Variants in HMGA2 observed in about 807,000 individuals in gnomAD.
HMGA2 encodes the protein high mobility group AT-hook 2.
HMGA2 carries 8 observed loss-of-function variants against 19.1 expected under a neutral mutation model. The ratio of observed to expected loss-of-function variants is 0.42; its 90% CI spans 0.25 to 0.76. The LOEUF (loss-of-function observed/expected upper bound fraction) is 0.76, where lower values mean the gene tolerates loss of function less well. Among genes scored for constraint, HMGA2 ranks in the 30% least tolerant of loss-of-function variants. The pLI is 0.28. For missense variants in HMGA2, 109 were observed against 136.3 expected (o/e 0.80, Z 1.00); for synonymous variants, 60 against 48.8 (o/e 1.23, Z -0.96).
At chr12:65,907,020 G>T (rs1874621233) in intron 3 of HMGA2, among the ~76,000 whole-genome samples, 1 of 152,080 alleles carries the variant, frequency 6.6e-6, no homozygotes, top group Non-Finnish European at 1.5e-5. Flanking sequence ...CCTGTGCAAG[G>T]CTAGCATTTG....
rs191412735 is a variant in HMGA2, at chr12:65,965,065, T to G, written c.*1773T>G. On this transcript the variant is annotated 3_prime_UTR_variant, in exon 5 of 5. Coordinates refer to ENST00000403681, the MANE Select transcript of HMGA2 (RefSeq NM_003483.6). ...GCAGCTAACCCTAGTCAAAACTATT[T>G]TTGTAAAAGACATTTGATAGAAAGG... 1.3e-4 allele frequency: 25 copies of G among 190,302 alleles called. No homozygotes were observed. The highest frequency in any genetic ancestry group is 2.2e-5 in the Non-Finnish European group (2 of 90,436). 11.8% of individuals were successfully genotyped at this position (190,302 alleles called of 1,614,324 possible). A position where few individuals can be genotyped will look rare whatever the true frequency, so the allele number is the denominator to read the frequency against.
chr12:65,925,533 A>T (rs1456765321), intron 3 of HMGA2, among the ~76,000 whole-genome samples: 5 of 152,128 alleles, frequency 3.3e-5, no homozygotes, highest in African/African-American at 1.2e-4. Context: ...CTTACAGCCT[A>T]TATTTTGTGA....
intron 3 of HMGA2, among the ~76,000 whole-genome samples, chr12:65,852,386 C>T (rs1303142993): frequency 1.3e-5 from 2 of 151,996 alleles, no homozygotes; most frequent in African/African-American, 2.4e-5. Context: ...TGCTGTAATC[C>T]CAGCTACTCG....
intron 3 of HMGA2, among the ~76,000 whole-genome samples, chr12:65,846,193 C>A (rs1042871236): frequency 2.0e-5 from 3 of 152,158 alleles, no homozygotes; most frequent in African/African-American, 7.2e-5. Flanking sequence ...TTACAATAAA[C>A]GTGGTTTTAT....
intron 3 of HMGA2, among the ~76,000 whole-genome samples, chr12:65,845,996 G>T (rs561589601): frequency 6.6e-6 from 1 of 152,156 alleles, no homozygotes. Flanking sequence ...TCCACCAGAT[G>T]GGGGGCAGGG....
At position 65,930,772 on chromosome 12, in the gene HMGA2, G is replaced by A. The variant is rs1875680815; in HGVS notation, c.250-20611G>A. On this transcript the variant is annotated intron_variant, in intron 3 of 4. Transcript: ENST00000403681. ...GAGCTGACTTTGGAAAATTAAAATA[G>A]CATCAAGGTCCTACATTTTAAATAA... Among the ~76,000 whole-genome samples the A allele has an allele frequency of 2.0e-5, 3 of 152,106 alleles. No homozygotes were observed. In the South Asian group the frequency reaches 6.2e-4, roughly 32 times the overall value.
chr12:65,862,001 C>T (rs549217160), intron 3 of HMGA2, among the ~76,000 whole-genome samples: 5 of 152,032 alleles, frequency 3.3e-5, no homozygotes, highest in South Asian at 2.1e-4. Context: ...CCCACCACCA[C>T]GCCCGGCTAA....
At chr12:65,884,973 T>C (rs555566445) in intron 3 of HMGA2, among the ~76,000 whole-genome samples, 1 of 152,342 alleles carries the variant, frequency 6.6e-6, no homozygotes, top group East Asian at 1.9e-4. Flanking sequence ...TCCAATTGAT[T>C]CTATTTTAAT....
chr12:65,861,500 T>C (rs898228470), intron 3 of HMGA2, among the ~76,000 whole-genome samples: 3 of 152,198 alleles, frequency 2.0e-5, no homozygotes, highest in Admixed American at 2.0e-4. Flanking sequence ...TTTTTAATCA[T>C]CATTTTATAT....
intron 3 of HMGA2, chr12:65,860,008 C>T (rs762482366): frequency 2.2e-6 from 1 of 449,262 alleles, no homozygotes; most frequent in South Asian, 1.6e-5. Context: ...TGGGAAAATG[C>T]TTGAGCCTGG....
At chr12:65,963,112 CG>C in intron 4 of HMGA2, 132 bp from the exon 5 acceptor site, 1 of 778,370 alleles carries the variant, frequency 1.3e-6, no homozygotes, top group Non-Finnish European at 2.2e-6. Context: ...AATGAGGGCT[CG>C]CCAGTCATCG....
At chr12:65,845,731 T>C (rs1871206694) in intron 3 of HMGA2, among the ~76,000 whole-genome samples, 1 of 152,224 alleles carries the variant, frequency 6.6e-6, no homozygotes. Flanking sequence ...CTGAATACCT[T>C]TGGGCAGGTT....
rs537820365 is a variant in HMGA2, at chr12:65,848,972, C to G, written c.249+10403C>G. Among the ~76,000 whole-genome samples the G allele has an allele frequency of 6.6e-5, 10 of 152,302 alleles. No homozygotes were observed. In the South Asian group the frequency reaches 1.7e-3, roughly 25 times the overall value. On this transcript the variant is annotated intron_variant, in intron 3 of 4. Coordinates refer to ENST00000403681, the MANE Select transcript of HMGA2 (RefSeq NM_003483.6). ...AGGCAGTTCCCCAGTGCAGGAAGCA[C>G]TAAATCCCAAGAAGGTGAGATAATA...
At chr12:65,873,532 T>C (rs1405402100) in intron 3 of HMGA2, among the ~76,000 whole-genome samples, 1 of 152,220 alleles carries the variant, frequency 6.6e-6, no homozygotes, top group African/African-American at 2.4e-5. Context: ...AGATGTCCAG[T>C]GTCACTATTA....
intron 2 of HMGA2, 58 bp downstream of exon 2, chr12:65,828,145 G>T: frequency 1.6e-6 from 2 of 1,253,910 alleles, no homozygotes; most frequent in East Asian, 4.6e-5. Flanking sequence ...ACAGGAGCCT[G>T]CCTGTAACTT....
intron 3 of HMGA2, among the ~76,000 whole-genome samples, chr12:65,848,498 C>T (rs1208129774): frequency 6.6e-6 from 1 of 152,160 alleles, no homozygotes; most frequent in Admixed American, 6.5e-5. Context: ...ACCTGAAATC[C>T]TAGGCTTATG....
rs530269095 is a variant in HMGA2 at position 65,924,454 on chromosome 12, C to T, written c.250-26929C>T. Among the ~76,000 whole-genome samples, 11 of 152,182 alleles carry T rather than the reference C, an allele frequency of 7.2e-5. No individual in the cohort carries two copies. In the East Asian group the frequency reaches 1.9e-3, roughly 27 times the overall value. On this transcript the variant is annotated intron_variant, in intron 3 of 4. Coordinates refer to ENST00000403681, the MANE Select transcript of HMGA2 (RefSeq NM_003483.6). ...CAGCCTACCGCAAGACCTCCCTACA[C>T]ACACACACACACAGACACACACATC...
chr12:65,887,143 A>G (rs77677211), intron 3 of HMGA2, among the ~76,000 whole-genome samples: 4,166 of 152,304 alleles, frequency 0.027, 210 homozygotes, highest in African/African-American at 0.096. Flanking sequence ...CATAAAATGG[A>G]TGATATTTTA....
At chr12:65,907,242 C>G (rs1196222566) in intron 3 of HMGA2, among the ~76,000 whole-genome samples, 1 of 151,676 alleles carries the variant, frequency 6.6e-6, no homozygotes, top group African/African-American at 2.4e-5. Context: ...TAAAAACAAA[C>G]AAACAAAAAA....
Sources: allele counts gnomAD v4.1 joint callset (sites outside exome capture counted in the v4.1 genomes callset), GRCh38; gene constraint gnomAD v4.1.1; transcripts MANE v1.5; gene names NCBI Gene and HGNC (gene_info 2026-07-23, HGNC 2026-07-21).